AFAP1L2: variants seen among roughly 807,000 people sequenced by gnomAD.
AFAP1L2 encodes actin filament-associated protein 1-like 2.
In AFAP1L2, 46 loss-of-function variants were observed where a neutral mutation model predicts 99.3. That is an observed-to-expected ratio of 0.46 (90% CI 0.37 to 0.59). The LOEUF is 0.59. AFAP1L2 is among the 20% of genes least tolerant of loss of function. AFAP1L2 has a pLI of 0.00. For synonymous variants in AFAP1L2, 397 were observed against 419.1 expected, an observed-to-expected ratio of 0.95 and a Z score of 0.64; for missense variants, 959 against 1,034.9, an observed-to-expected ratio of 0.93 and a Z score of 1.01.
At chr10:114,337,153 A>AAAGG (rs2048103156) in intron 2 of AFAP1L2, among the ~76,000 whole-genome samples, 1 of 152,222 alleles carries the variant, frequency 6.6e-6, no homozygotes, top group Non-Finnish European at 1.5e-5. Context: ...CACGACAGTT[A>AAAGG]ACTGCAGTGC....
At chr10:114,367,302 G>A (rs946906058) in intron 1 of AFAP1L2, among the ~76,000 whole-genome samples, 9 of 152,200 alleles carry the variant, frequency 5.9e-5, no homozygotes, top group Non-Finnish European at 1.0e-4. Context: ...AGGCATGTGG[G>A]AATTTAGATT....
At chr10:114,383,576 T>C (rs947339076) in intron 1 of AFAP1L2, among the ~76,000 whole-genome samples, 2 of 152,158 alleles carry the variant, frequency 1.3e-5, no homozygotes, top group African/African-American at 4.8e-5. Context: ...GACTTTGCCA[T>C]AAAAATATAG....
the AFAP1L2 span, among the ~76,000 whole-genome samples, chr10:114,287,024 A>G: frequency 5.9e-5 from 9 of 152,070 alleles, no homozygotes; most frequent in Non-Finnish European, 1.0e-4. Flanking sequence ...GAGGATACTT[A>G]CCCTGTCTAC....
the AFAP1L2 span, among the ~76,000 whole-genome samples, chr10:114,283,099 G>C: frequency 1.3e-5 from 2 of 152,210 alleles, no homozygotes; most frequent in East Asian, 1.9e-4. Context: ...TGGTTCACCA[G>C]TGTGCCCTCA....
chr10:114,335,334 C>T (rs530538318), intron 2 of AFAP1L2, among the ~76,000 whole-genome samples: 4 of 151,966 alleles, frequency 2.6e-5, no homozygotes, highest in Admixed American at 6.6e-5. Flanking sequence ...AACATATGGC[C>T]GGGCACGGTG....
chr10:114,329,755 C>T (rs932976827), intron 4 of AFAP1L2, among the ~76,000 whole-genome samples: 1 of 152,174 alleles, frequency 6.6e-6, no homozygotes, highest in Non-Finnish European at 1.5e-5. Context: ...TAAGCCTTTG[C>T]TCTGTTACAG....
chr10:114,290,261 T>C, downstream of AFAP1L2: 1 of 1,550,522 alleles, frequency 6.4e-7, no homozygotes, highest in Non-Finnish European at 8.7e-7. Context: ...CCAGTCAACC[T>C]CTGCAAACCC....
chr10:114,330,270 A>G (rs2047040350), intron 4 of AFAP1L2, among the ~76,000 whole-genome samples: 1 of 152,206 alleles, frequency 6.6e-6, no homozygotes, highest in Non-Finnish European at 1.5e-5. Flanking sequence ...CCCTCCACGG[A>G]AACATGAGCC....
chr10:114,300,120 C>T, intron 15 of AFAP1L2, 74 bp downstream of exon 15: 1 of 1,594,834 alleles, frequency 6.3e-7, no homozygotes, highest in Non-Finnish European at 8.6e-7. Flanking sequence ...TACATCTATC[C>T]TATTAGTTCT....
At chr10:114,359,408 T>C (rs2051887289) in intron 1 of AFAP1L2, among the ~76,000 whole-genome samples, 1 of 152,178 alleles carries the variant, frequency 6.6e-6, no homozygotes, top group South Asian at 2.1e-4. Flanking sequence ...AAACTTTCCT[T>C]GTACTTCTTA....
chr10:114,367,684 A>G (rs2053484858), intron 1 of AFAP1L2, among the ~76,000 whole-genome samples: 1 of 152,100 alleles, frequency 6.6e-6, no homozygotes, highest in Non-Finnish European at 1.5e-5. Flanking sequence ...TGAACTTGCA[A>G]GTTTATTTCA....
At chr10:114,294,570 A>C (rs1043561661), downstream of AFAP1L2, among the ~76,000 whole-genome samples, 2 of 152,174 alleles carry the variant, frequency 1.3e-5, no homozygotes, top group Non-Finnish European at 1.5e-5. Context: ...AGTATATTTA[A>C]CTTCTGGGAG....
chr10:114,297,403 G>C lies in AFAP1L2; in HGVS notation c.2124C>G (p.Val708=). Residue 708 remains valine (V), a synonymous_variant, in exon 17 of 19, where the codon GTC becomes GTG. Transcript: ENST00000304129. Reference sequence around the variant, plus strand: ...TCAGCTTCTGCTCCAGGCTCGCCAGGACTTCCTTGTCTGGAGAGAGAATTA... The same window carrying C: ...TCAGCTTCTGCTCCAGGCTCGCCAGCACTTCCTTGTCTGGAGAGAGAATTA... ...ETLLKCTDKE[V]LASLEQKLKE... 6.2e-7 allele frequency: 1 copy of C among 1,612,694 alleles called. No individual in the cohort carries two copies. The highest frequency in any genetic ancestry group is 8.5e-7 in the Non-Finnish European group (1 of 1,179,912).
At chr10:114,348,999 CT>C (rs2050023927) in intron 1 of AFAP1L2, among the ~76,000 whole-genome samples, 1 of 152,174 alleles carries the variant, frequency 6.6e-6, no homozygotes, top group Non-Finnish European at 1.5e-5. Flanking sequence ...ACTTTCTAGG[CT>C]CATGCCTGTT....
chr10:114,389,595 C>T (rs1294917141), intron 1 of AFAP1L2, among the ~76,000 whole-genome samples: 1 of 152,226 alleles, frequency 6.6e-6, no homozygotes, highest in Non-Finnish European at 1.5e-5. Flanking sequence ...TGACTAAGAG[C>T]TCAGGCACTC....
rs2040028500 is a variant in AFAP1L2, at chr10:114,295,287, T to C, written c.*755A>G. Reference sequence around the variant, plus strand: ...TCACTTTAATCTCAAAAGATACTTTTCACTGTTCTAAATGACAGGATTTTA... The same window carrying C: ...TCACTTTAATCTCAAAAGATACTTTCCACTGTTCTAAATGACAGGATTTTA... On this transcript the variant is annotated 3_prime_UTR_variant, in exon 19 of 19. Coordinates refer to ENST00000304129, the MANE Select transcript of AFAP1L2 (RefSeq NM_001001936.3). 4 of 984,880 alleles carry C rather than the reference T, an allele frequency of 4.1e-6. No homozygotes were observed. Among genetic ancestry groups the C allele is most frequent in the Non-Finnish European group, 4.8e-6 (4 of 829,088 alleles). 61.0% of individuals were successfully genotyped at this position (984,880 alleles called of 1,614,324 possible).
At chr10:114,291,357 G>A, downstream of AFAP1L2, 10 of 1,236,802 alleles carry the variant, frequency 8.1e-6, no homozygotes, top group Non-Finnish European at 9.9e-6. Flanking sequence ...TCCTTAGAAT[G>A]TCTGCTTCCC....
At chr10:114,350,461 G>A (rs4751937) in intron 1 of AFAP1L2, among the ~76,000 whole-genome samples, 150,690 of 152,328 alleles carry the variant, frequency 0.99, 74,554 homozygotes, top group East Asian at 1. Context: ...TGCTAAGGTC[G>A]GTGCTTGGAG....
intron 7 of AFAP1L2, among the ~76,000 whole-genome samples, chr10:114,313,359 T>C (rs981838704): frequency 5.3e-5 from 8 of 152,108 alleles, no homozygotes; most frequent in African/African-American, 1.9e-4. Context: ...GCCACGTGCA[T>C]TCGTGGTGGG....
Sources: gnomAD v4.1 joint callset for allele counts (sites outside exome capture counted in the v4.1 genomes callset) on GRCh38, gnomAD v4.1.1 for gene constraint, MANE v1.5 for transcripts, NCBI Gene and HGNC (gene_info 2026-07-23, HGNC 2026-07-21) for gene names.